ATP6V1A: variants seen among roughly 807,000 people sequenced by gnomAD.
The protein encoded by ATP6V1A is ATPase H+ transporting V1 subunit A.
A neutral mutation model predicts 70.1 loss-of-function variants in ATP6V1A; 18 were observed. That is an observed-to-expected ratio of 0.26 (90% CI 0.18 to 0.38). ATP6V1A has a LOEUF of 0.38. Ranked by LOEUF, ATP6V1A falls within the 10% of genes least tolerant of loss-of-function variation. The pLI is 1.00. For missense variants in ATP6V1A, 424 were observed against 772.4 expected (o/e 0.55, Z 5.35); for synonymous variants, 232 against 253.8 (o/e 0.91, Z 0.82).
intron 1 of ATP6V1A, among the ~76,000 whole-genome samples, chr3:113,765,900 C>T (rs1021598548): frequency 2.0e-5 from 3 of 151,924 alleles, no homozygotes; most frequent in Admixed American, 6.6e-5. Context: ...GCACTCCAGC[C>T]TGGGTGATAG....
In ATP6V1A at chr3:113,782,601, T is replaced by C. The variant is rs559712043; in HGVS notation, c.211+1423T>C. On this transcript the variant is annotated intron_variant, in intron 3 of 14. Transcript: ENST00000273398. ...ATATATATACACATATATATATATA[T>C]ACATATATATATGGTTTTTTTGTTT... Among the ~76,000 whole-genome samples, 82 of 147,044 alleles carry C rather than the reference T, an allele frequency of 5.6e-4. 1 individual carries two copies. The highest frequency in any genetic ancestry group is 2.4e-3 in the East Asian group (12 of 5,092).
intron 1 of ATP6V1A, among the ~76,000 whole-genome samples, chr3:113,749,133 C>G (rs912270203): frequency 3.3e-5 from 5 of 152,098 alleles, no homozygotes; most frequent in African/African-American, 1.2e-4. Flanking sequence ...CTTCACAATT[C>G]CCCCAGTTTT....
rs753274046 is a variant in ATP6V1A at position 113,805,363 on chromosome 3, A to G, written c.1599A>G (p.Pro533=). 2.5e-6 allele frequency: 4 copies of G among 1,613,802 alleles called. No individual in the cohort carries two copies. Among genetic ancestry groups the G allele is most frequent in the Non-Finnish European group, 3.4e-6 (4 of 1,179,924 alleles). ...CCTTCATTTATTCTAGGTTCTGCCCATTCTACAAGACAGTAGGGATGCTGT... is the reference window on the plus strand; with the variant it reads ...CCTTCATTTATTCTAGGTTCTGCCCGTTCTACAAGACAGTAGGGATGCTGT... ...NGYTPYDRFC[P]FYKTVGMLSN... Residue 533 remains proline, a synonymous_variant, in exon 14 of 15, where the codon CCA becomes CCG. Coordinates refer to ENST00000273398, the MANE Select transcript of ATP6V1A (RefSeq NM_001690.4).
chr3:113,805,442 C>A lies in ATP6V1A; in HGVS notation c.1678C>A (p.Gln560Lys), dbSNP rs1262968898. ...TCGTAGAGCTGTTGAAACCACTGCC[C>A]AGAGTGACAATAAAATCACATGGTC... ...MARRAVETTA[Q>K]SDNKITWSII... The change falls in exon 14 of 15, where the codon CAG (glutamine) becomes AAG (lysine). Residue 560 changes from glutamine to lysine, a missense_variant. Around this residue, in one of 9 missense-constraint regions of ATP6V1A, gnomAD observed 127 missense variants for 207.9 expected, o/e 0.61. Coordinates refer to ENST00000273398, the MANE Select transcript of ATP6V1A (RefSeq NM_001690.4). 6.2e-7 allele frequency: 1 copy of A among 1,613,718 alleles called. No individual in the cohort carries two copies. Among genetic ancestry groups the A allele is most frequent in the East Asian group, 2.2e-5 (1 of 44,890 alleles).
Position 113,798,395 on chromosome 3 carries a change from A to G in ATP6V1A, c.1443A>G (p.Glu481=). The change falls in exon 12 of 15, where the codon GAA becomes GAG. Residue 481 remains glutamate (E), a synonymous_variant. Coordinates refer to ENST00000273398, the MANE Select transcript of ATP6V1A (RefSeq NM_001690.4). The stretch of plus-strand genomic sequence containing the variant: ...TTCCTCTGAGGACGAAAGCTAAGGA[A>G]ATTCTGCAGGAAGAAGAAGACCTGG... ...EFVPLRTKAK[E]ILQEEEDLAE... is the part of the protein sequence containing the mutation. 1 of 1,614,032 alleles carries G rather than the reference A, an allele frequency of 6.2e-7. No homozygotes were observed. The highest frequency in any genetic ancestry group is 8.5e-7 in the Non-Finnish European group (1 of 1,179,938).
At chr3:113,808,863 C>T (rs943014589) in intron 14 of ATP6V1A, among the ~76,000 whole-genome samples, 1 of 152,020 alleles carries the variant, frequency 6.6e-6, no homozygotes, top group African/African-American at 2.4e-5. Flanking sequence ...GGATTTGTAT[C>T]CTTAAGAAAA....
chr3:113,788,922 C>T, intron 7 of ATP6V1A, 47 bp downstream of exon 7: 1 of 1,532,078 alleles, frequency 6.5e-7, no homozygotes, highest in Non-Finnish European at 9.0e-7. Context: ...TACCACTCAT[C>T]AGTGTTCATT....
At chr3:113,778,707 A>G in intron 1 of ATP6V1A, 34 bp from the exon 2 acceptor site, 1 of 1,333,058 alleles carries the variant, frequency 7.5e-7, no homozygotes, top group East Asian at 2.6e-5. Context: ...TACGGTTTAT[A>G]ATTATAACTT....
chr3:113,793,419 T>C (rs555481884), intron 8 of ATP6V1A, among the ~76,000 whole-genome samples: 3 of 152,204 alleles, frequency 2.0e-5, no homozygotes, highest in Non-Finnish European at 4.4e-5. Context: ...GTTGCAAATA[T>C]GTCCCAGCTT....
intron 1 of ATP6V1A, among the ~76,000 whole-genome samples, chr3:113,757,730 T>C (rs1326651081): frequency 6.6e-6 from 1 of 152,216 alleles, no homozygotes; most frequent in African/African-American, 2.4e-5. Flanking sequence ...GCCACATATA[T>C]TTATTCTAAA....
chr3:113,749,365 G>T (rs756805091), intron 1 of ATP6V1A, among the ~76,000 whole-genome samples: 1 of 151,320 alleles, frequency 6.6e-6, no homozygotes, highest in African/African-American at 2.4e-5. Flanking sequence ...AGTGTTACAT[G>T]TAGAAATCTT....
At chr3:113,765,880 TCGCACCACTGCACTCC>T (rs1708764573) in intron 1 of ATP6V1A, among the ~76,000 whole-genome samples, 1 of 151,732 alleles carries the variant, frequency 6.6e-6, no homozygotes, top group Non-Finnish European at 1.5e-5. Context: ...TGAGCCGAGA[TCGCACCACTGCACTCC>T]AGCCTGGGTG....
At chr3:113,797,359 T>A (rs2108039915) in intron 11 of ATP6V1A, among the ~76,000 whole-genome samples, 1 of 152,146 alleles carries the variant, frequency 6.6e-6, no homozygotes, top group African/African-American at 2.4e-5. Context: ...TTCAAGCAAT[T>A]CTTCCTCCTC....
At chr3:113,795,631 T>C (rs1709145524) in intron 10 of ATP6V1A, among the ~76,000 whole-genome samples, 2 of 152,016 alleles carry the variant, frequency 1.3e-5, no homozygotes, top group Non-Finnish European at 1.5e-5. Flanking sequence ...AATATCTATC[T>C]CATGTCTCAT....
Position 113,780,929 on chromosome 3 carries a change from T to C in ATP6V1A, c.83-121T>C, listed in dbSNP as rs1340213613. ...CAGTATGTTCCATAGTAGGTTTTTA[T>C]CCTTCTTATGAATATATGAGAGAGG... On this transcript the variant is annotated intron_variant, in intron 2 of 14. Transcript: ENST00000273398. 8 of 1,388,192 alleles carry C rather than the reference T, an allele frequency of 5.8e-6. 1 individual carries two copies. Among genetic ancestry groups the C allele is most frequent in the Middle Eastern group, 3.8e-4 (2 of 5,198 alleles). 86.0% of individuals were successfully genotyped at this position (1,388,192 alleles called of 1,614,324 possible). A position where few individuals can be genotyped will look rare whatever the true frequency, so the allele number is the denominator to read the frequency against.
At chr3:113,773,007 G>A (rs1479783036) in intron 1 of ATP6V1A, among the ~76,000 whole-genome samples, 2 of 133,446 alleles carry the variant, frequency 1.5e-5, no homozygotes, top group Non-Finnish European at 3.1e-5. Context: ...GTGCGATCTC[G>A]GTTCACTGCA....
intron 1 of ATP6V1A, among the ~76,000 whole-genome samples, chr3:113,758,432 T>C (rs1282228186): frequency 6.6e-6 from 1 of 152,146 alleles, no homozygotes; most frequent in Non-Finnish European, 1.5e-5. Context: ...TGTCCTTCCA[T>C]ACCTCCCCAC....
At chr3:113,771,591 C>A (rs1708841642) in intron 1 of ATP6V1A, among the ~76,000 whole-genome samples, 1 of 151,920 alleles carries the variant, frequency 6.6e-6, no homozygotes. Context: ...GTGCCTGCCA[C>A]CACACCCGGC....
intron 6 of ATP6V1A, among the ~76,000 whole-genome samples, chr3:113,788,449 C>G (rs542959237): frequency 6.6e-6 from 1 of 151,958 alleles, no homozygotes; most frequent in East Asian, 1.9e-4. Flanking sequence ...ATTCTCCTGT[C>G]CCAGCCTCCA....
Sources: gnomAD v4.1 joint callset for allele counts (sites outside exome capture counted in the v4.1 genomes callset) on GRCh38, gnomAD v4.1.1 for gene constraint, gnomAD v4.1.1 regional missense constraint, MANE v1.5 for transcripts, NCBI Gene and HGNC (gene_info 2026-07-23, HGNC 2026-07-21) for gene names.